RBFOX1: variants seen among roughly 807,000 people sequenced by gnomAD.
The protein encoded by RBFOX1 is RNA binding protein fox-1 homolog 1.
A neutral mutation model predicts 57.7 loss-of-function variants in RBFOX1; 8 were observed. The ratio of observed to expected loss-of-function variants is 0.14; its 90% CI spans 0.08 to 0.25. The LOEUF is 0.25. Among genes scored for constraint, RBFOX1 ranks in the 10% least tolerant of loss-of-function variants. RBFOX1 has a pLI of 1.00. For missense variants in RBFOX1, 611 were observed against 548.5 expected, an observed-to-expected ratio of 1.11 and a Z score of -1.14; for synonymous variants, 326 against 222.4, an observed-to-expected ratio of 1.47 and a Z score of -4.15.
chr16:5,563,917 C>G (rs2045973238), intron 2 of RBFOX1, among the ~76,000 whole-genome samples: 1 of 152,184 alleles, frequency 6.6e-6, no homozygotes, highest in Non-Finnish European at 1.5e-5. Flanking sequence ...AGTTTCTTGT[C>G]TGTCACTGAC....
At chr16:7,400,244 C>T (rs762307508) in intron 4 of RBFOX1, among the ~76,000 whole-genome samples, 1 of 152,156 alleles carries the variant, frequency 6.6e-6, no homozygotes, top group Non-Finnish European at 1.5e-5. Context: ...CCCCAAAGCT[C>T]CCATCTCTAC....
chr16:6,658,660 C>T (rs140956829), intron 3 of RBFOX1, among the ~76,000 whole-genome samples: 3,409 of 152,258 alleles, frequency 0.022, 50 homozygotes, highest in Middle Eastern at 0.034. Context: ...TTCTCTCAGG[C>T]TGACAGGAAA....
intron 3 of RBFOX1, among the ~76,000 whole-genome samples, chr16:6,849,834 T>G (rs2141917168): frequency 6.6e-6 from 1 of 152,308 alleles, no homozygotes; most frequent in South Asian, 2.1e-4. Flanking sequence ...CTCTTTTCTT[T>G]GTCCGTTGTG....
At chr16:6,815,242 C>G (rs1462962606) in intron 3 of RBFOX1, among the ~76,000 whole-genome samples, 1 of 152,144 alleles carries the variant, frequency 6.6e-6, no homozygotes, top group African/African-American at 2.4e-5. Flanking sequence ...AGATCACTCT[C>G]ATTGCCATCT....
At position 6,896,768 on chromosome 16, in the gene RBFOX1, A is replaced by G. The variant is rs79201242; in HGVS notation, c.-15-155289A>G. On this transcript the variant is annotated intron_variant, in intron 3 of 15. Transcript: ENST00000550418. ...GTGGATTGCTCCCAAGAGCGTGAAG[A>G]CCCACAAATGTACATGAGAGGTGGG... Among the ~76,000 whole-genome samples the G allele has an allele frequency of 2.0e-5, 3 of 152,300 alleles. No homozygotes were observed. In the East Asian group the frequency reaches 5.8e-4, roughly 29 times the overall value.
At chr16:7,420,253 C>G (rs1028928997) in intron 4 of RBFOX1, among the ~76,000 whole-genome samples, 1 of 152,098 alleles carries the variant, frequency 6.6e-6, no homozygotes, top group Admixed American at 6.6e-5. Context: ...TGTAAATAGC[C>G]TCTCGTCCTA....
chr16:5,325,279 A>G (rs2064536767), intron 1 of RBFOX1, among the ~76,000 whole-genome samples: 2 of 151,830 alleles, frequency 1.3e-5, no homozygotes, highest in Admixed American at 1.3e-4. Flanking sequence ...TAATAGCTGC[A>G]GGTTTACAGG....
At chr16:7,112,905 C>G (rs1443971906) in intron 4 of RBFOX1, among the ~76,000 whole-genome samples, 1 of 152,076 alleles carries the variant, frequency 6.6e-6, no homozygotes, top group African/African-American at 2.4e-5. Flanking sequence ...CCTAATTTAA[C>G]TGATGTTTTC....
At chr16:5,727,547 T>C (rs1436362519) in intron 3 of RBFOX1, among the ~76,000 whole-genome samples, 1 of 152,226 alleles carries the variant, frequency 6.6e-6, no homozygotes, top group African/African-American at 2.4e-5. Context: ...TGCTATTATG[T>C]AGAGTCACCA....
intron 1 of RBFOX1, among the ~76,000 whole-genome samples, chr16:5,385,404 G>C (rs483819): frequency 0.54 from 82,570 of 152,054 alleles, 22,820 homozygotes; most frequent in African/African-American, 0.58. Flanking sequence ...GGATTAAAAT[G>C]TCACTCCACC....
chr16:6,803,359 G>T (rs1419079160), intron 3 of RBFOX1, among the ~76,000 whole-genome samples: 1 of 152,136 alleles, frequency 6.6e-6, no homozygotes, highest in Non-Finnish European at 1.5e-5. Context: ...GCCTCCAGCC[G>T]TACAGAGAAG....
chr16:6,389,383 C>G (rs909121100), intron 2 of RBFOX1, among the ~76,000 whole-genome samples: 2 of 152,214 alleles, frequency 1.3e-5, no homozygotes, highest in Non-Finnish European at 2.9e-5. Context: ...TCTTTCAACA[C>G]TCTTCGATCA....
intron 3 of RBFOX1, among the ~76,000 whole-genome samples, chr16:6,675,619 A>C (rs2057502690): frequency 1.3e-5 from 2 of 152,200 alleles, no homozygotes; most frequent in Non-Finnish European, 2.9e-5. Flanking sequence ...AAAGAGCTTT[A>C]ATAGACTCAC....
At chr16:6,653,351 G>T (rs2098613787) in intron 2 of RBFOX1, among the ~76,000 whole-genome samples, 1 of 152,118 alleles carries the variant, frequency 6.6e-6, no homozygotes, top group South Asian at 2.1e-4. Flanking sequence ...CACCAGGGCG[G>T]GCCTGCCATG....
intron 3 of RBFOX1, among the ~76,000 whole-genome samples, chr16:6,956,466 G>C (rs559596389): frequency 6.6e-6 from 1 of 152,138 alleles, no homozygotes; most frequent in Non-Finnish European, 1.5e-5. Context: ...CTTTGTCATC[G>C]TCTTCTCAAA....
intron 4 of RBFOX1, among the ~76,000 whole-genome samples, chr16:6,013,627 C>T (rs1019664763): frequency 1.3e-5 from 2 of 152,184 alleles, no homozygotes; most frequent in African/African-American, 4.8e-5. Context: ...CTAGCCAGCT[C>T]TGTGAGGTTG....
intron 3 of RBFOX1, among the ~76,000 whole-genome samples, chr16:6,803,295 G>C (rs887526376): frequency 6.6e-6 from 1 of 152,162 alleles, no homozygotes; most frequent in Non-Finnish European, 1.5e-5. Flanking sequence ...CCACATCCCA[G>C]AACTGGCATT....
intron 2 of RBFOX1, among the ~76,000 whole-genome samples, chr16:6,617,051 T>A (rs975620831): frequency 6.6e-6 from 1 of 152,026 alleles, no homozygotes; most frequent in African/African-American, 2.4e-5. Flanking sequence ...CGGTATACAG[T>A]GTTGATCTTT....
intron 2 of RBFOX1, among the ~76,000 whole-genome samples, chr16:6,443,279 C>T (rs1015328089): frequency 2.0e-5 from 3 of 152,158 alleles, no homozygotes; most frequent in South Asian, 2.1e-4. Flanking sequence ...AGGATTCCTG[C>T]GTGCTATCTC....
Sources: gnomAD v4.1 joint callset for allele counts (sites outside exome capture counted in the v4.1 genomes callset) on GRCh38, gnomAD v4.1.1 for gene constraint, MANE v1.5 for transcripts, NCBI Gene and HGNC (gene_info 2026-07-23, HGNC 2026-07-21) for gene names.